ZNF532: variants seen among roughly 807,000 people sequenced by gnomAD.
The protein encoded by ZNF532 is zinc finger protein 532.
Under a neutral mutation model 89.3 loss-of-function variants are expected in ZNF532, and 22 were observed. The observed-to-expected ratio is 0.25, with a 90% CI of 0.18 to 0.35. ZNF532 has a LOEUF of 0.35. Among genes scored for constraint, ZNF532 ranks in the 10% least tolerant of loss-of-function variants. The probability of loss-of-function intolerance (pLI) is 1.00; values close to 1 mark genes in which losing one functional copy is unlikely to be tolerated. For missense variants in ZNF532, 1,132 were observed against 1,643.4 expected (o/e 0.69, Z 5.38); for synonymous variants, 606 against 649.6 (o/e 0.93, Z 1.02).
At chr18:58,979,387 T>C in intron 8 of ZNF532, 2 of 309,350 alleles carry the variant, frequency 6.5e-6, no homozygotes, top group East Asian at 5.2e-5. Flanking sequence ...CCACATACAT[T>C]GTGTGTTTTT....
At position 58,888,741 on chromosome 18, in the gene ZNF532, T is replaced by TA. The variant is rs1226823500; in HGVS notation, c.-18+23162_-18+23163insA. Among the ~76,000 whole-genome samples the TA allele has an allele frequency of 5.9e-4, 18 of 30,442 alleles. 1 individual carries two copies. Among genetic ancestry groups the TA allele is most frequent in the African/African-American group, 2.9e-3 (18 of 6,214 alleles). 20.0% of individuals were successfully genotyped at this position (30,442 alleles called of 152,430 possible). On this transcript the variant is annotated intron_variant, in intron 2 of 9. Coordinates refer to ENST00000591808, the MANE Select transcript of ZNF532 (RefSeq NM_001375912.1). ...TATATATATAAATTATATATATATATTTTATATATATATAAAATTAATATA... is the reference window on the plus strand; with the variant it reads ...TATATATATAAATTATATATATATATATTTATATATATATAAAATTAATATA...
In ZNF532 at chr18:58,959,253, G is replaced by GTTTTTT. The variant is rs201150500; in HGVS notation, c.3150+5455_3150+5460dup. Among the ~76,000 whole-genome samples, 16 of 121,628 alleles carry GTTTTTT rather than the reference G, an allele frequency of 1.3e-4. 3 individuals are homozygous for GTTTTTT. The highest frequency in any genetic ancestry group is 1.2e-3 in the East Asian group (4 of 3,220). The allele number at this position is 121,628 out of a possible 152,430, so 79.8% of individuals were successfully genotyped here. ...GAACCTTAGATCTTTTCAGTTTTTT[G>GTTTTTT]TTTTTTGTTTTTTTTTGTTTTTTTT... On this transcript the variant is annotated intron_variant, in intron 7 of 9. Coordinates refer to ENST00000591808, the MANE Select transcript of ZNF532 (RefSeq NM_001375912.1).
At chr18:58,925,927 T>C (rs1192849676) in intron 3 of ZNF532, among the ~76,000 whole-genome samples, 1 of 152,248 alleles carries the variant, frequency 6.6e-6, no homozygotes, top group Non-Finnish European at 1.5e-5. Flanking sequence ...CTGGATTCTT[T>C]ATTCTGTTCC....
chr18:58,932,186 C>T (rs1325004591), intron 3 of ZNF532, among the ~76,000 whole-genome samples: 1 of 152,166 alleles, frequency 6.6e-6, no homozygotes, highest in Non-Finnish European at 1.5e-5. Context: ...CTCCCTCTTT[C>T]TCCTTGTGCT....
chr18:58,954,039 T>C lies in ZNF532; in HGVS notation c.3150+240T>C, dbSNP rs143801136. 219 of 985,254 alleles carry C rather than the reference T, an allele frequency of 2.2e-4. 1 individual carries two copies. The African/African-American group carries it at 3.6e-3, about 16-fold the overall frequency. 61.0% of individuals were successfully genotyped at this position (985,254 alleles called of 1,614,324 possible). A position where few individuals can be genotyped will look rare whatever the true frequency, so the allele number is the denominator to read the frequency against. On this transcript the variant is annotated intron_variant, in intron 7 of 9. Transcript: ENST00000591808. ...ACTCCTCCAGACTGGTGTGCATGAA[T>C]GTGGTAAGTTACCTATCACATTCAT...
In ZNF532 at chr18:58,886,608, T is replaced by C. The variant is rs1338213424; in HGVS notation, c.-18+21029T>C. On this transcript the variant is annotated intron_variant, in intron 2 of 9. Coordinates refer to ENST00000591808, the MANE Select transcript of ZNF532 (RefSeq NM_001375912.1). ...TTACCACAATCTGAAAAATAAAGGATGTACCATGATTGTTACATAATCGTT... is the reference window on the plus strand; with the variant it reads ...TTACCACAATCTGAAAAATAAAGGACGTACCATGATTGTTACATAATCGTT... Among the ~76,000 whole-genome samples the C allele has an allele frequency of 1.3e-5, 2 of 152,342 alleles. 1 individual carries two copies. Among genetic ancestry groups the C allele is most frequent in the South Asian group, 4.1e-4 (2 of 4,826 alleles).
In ZNF532 at chr18:58,893,851, C is replaced by A. The variant is rs529538763; in HGVS notation, c.-17-24420C>A. ...TACAAGCCAGAGAGAGCAGTGGTTA[C>A]ATGGGGGTAGAATGGTGACTCGTTT... On this transcript the variant is annotated intron_variant, in intron 2 of 9. Transcript: ENST00000591808. Among the ~76,000 whole-genome samples the A allele has an allele frequency of 5.3e-5, 8 of 152,268 alleles. No homozygotes were observed. In the South Asian group the frequency reaches 1.2e-3, roughly 24 times the overall value.
At chr18:58,927,827 AG>A (rs1052506693) in intron 3 of ZNF532, among the ~76,000 whole-genome samples, 8 of 152,132 alleles carry the variant, frequency 5.3e-5, no homozygotes, top group African/African-American at 1.9e-4. Context: ...TTTTGCAATT[AG>A]GCTTCCTGGG....
intron 7 of ZNF532, among the ~76,000 whole-genome samples, chr18:58,970,742 T>A (rs1445806955): frequency 6.6e-6 from 1 of 152,180 alleles, no homozygotes; most frequent in East Asian, 1.9e-4. Flanking sequence ...AGAGAAGAGA[T>A]GTGAGGTTTG....
intron 7 of ZNF532, among the ~76,000 whole-genome samples, chr18:58,968,677 A>G (rs1488184365): frequency 2.0e-5 from 3 of 152,166 alleles, no homozygotes; most frequent in African/African-American, 4.8e-5. Flanking sequence ...GGAGTGTCGT[A>G]TCTCTCATGC....
In ZNF532 at chr18:58,918,885, G is replaced by T. The variant is rs948895553; in HGVS notation, c.598G>T (p.Ala200Ser). ...GTCAGGCAATGTGGAGAAAAACAAA[G>T]CTGTTAAGAGAGAAACAGAAGCCAG... ...STSGNVEKNK[A>S]VKRETEASSI... Residue 200 changes from alanine to serine, a missense_variant, in exon 3 of 10, where the codon GCT (alanine) becomes TCT (serine). Physicochemically the swap from Ala to Ser is moderately conservative, Grantham distance 99. This residue lies in a region of ZNF532 where 302 missense variants were observed against 319.8 expected (regional missense o/e 0.94). Coordinates refer to ENST00000591808, the MANE Select transcript of ZNF532 (RefSeq NM_001375912.1). 19 of 1,614,016 alleles carry T rather than the reference G, an allele frequency of 1.2e-5. No homozygotes were observed. The African/African-American group carries it at 1.7e-4, about 15-fold the overall frequency.
rs755144711 is a variant in ZNF532 at position 58,981,459 on chromosome 18, T to G, written c.3264-11T>G. 6.2e-7 allele frequency: 1 copy of G among 1,609,358 alleles called. No individual in the cohort carries two copies. Among genetic ancestry groups the G allele is most frequent in the Non-Finnish European group, 8.5e-7 (1 of 1,179,060 alleles). On this transcript the variant is annotated splice_polypyrimidine_tract_variant and intron_variant, in intron 8 of 9. Transcript: ENST00000591808. ...AGCAAGTGCGTTATCTCCTTGCCTTTCACCCCACAGGCACTGCCCAGACTC... is the reference window on the plus strand; with the variant it reads ...AGCAAGTGCGTTATCTCCTTGCCTTGCACCCCACAGGCACTGCCCAGACTC...
intron 3 of ZNF532, among the ~76,000 whole-genome samples, chr18:58,925,462 G>A (rs1300501263): frequency 6.6e-6 from 1 of 152,134 alleles, no homozygotes; most frequent in East Asian, 1.9e-4. Flanking sequence ...TAATTAGGTT[G>A]TTTGCTTTTA....
chr18:58,919,945 A>G lies in ZNF532; in HGVS notation c.1658A>G (p.Gln553Arg). Residue 553 changes from glutamine to arginine, a missense_variant, in exon 3 of 10, where the codon CAG becomes CGG. Around this residue, in one of 9 missense-constraint regions of ZNF532, gnomAD observed 97 missense variants for 143.7 expected, o/e 0.68. Coordinates refer to ENST00000591808, the MANE Select transcript of ZNF532 (RefSeq NM_001375912.1). The surrounding 1 kb of genome is among the most constrained non-coding windows in gnomAD (Gnocchi z 6.1). ...ACCAAACCTCAGCAACAAATAAAGC[A>G]GGCAATAATCAATGCAGCAGCCTCG... The part of the protein sequence containing the change: ...VLTKPQQQIK[Q>R]AIINAAASQP... 1.2e-6 allele frequency: 2 copies of G among 1,613,956 alleles called. No homozygotes were observed. The highest frequency in any genetic ancestry group is 1.7e-6 in the Non-Finnish European group (2 of 1,179,860).
intron 2 of ZNF532, among the ~76,000 whole-genome samples, chr18:58,917,952 T>G (rs1416378406): frequency 6.6e-6 from 1 of 152,222 alleles, no homozygotes; most frequent in Non-Finnish European, 1.5e-5. Flanking sequence ...AGGGACACAT[T>G]TTCTAGTTGC....
intron 3 of ZNF532, among the ~76,000 whole-genome samples, chr18:58,927,122 A>G (rs1035353672): frequency 6.6e-6 from 1 of 152,202 alleles, no homozygotes; most frequent in Non-Finnish European, 1.5e-5. Flanking sequence ...CAATGAAACC[A>G]TCTGGGCCTA....
chr18:58,976,265 C>G (rs1442999062), intron 7 of ZNF532, among the ~76,000 whole-genome samples: 1 of 152,192 alleles, frequency 6.6e-6, no homozygotes, highest in African/African-American at 2.4e-5. Flanking sequence ...GGATGTCTCT[C>G]TCACATTGAT....
intron 2 of ZNF532, among the ~76,000 whole-genome samples, chr18:58,865,917 A>C (rs949780003): frequency 2.6e-5 from 4 of 152,174 alleles, no homozygotes; most frequent in Non-Finnish European, 5.9e-5. Context: ...CATTTTCCCG[A>C]TGATTATAAG....
At chr18:58,975,214 C>T (rs1409521322) in intron 7 of ZNF532, among the ~76,000 whole-genome samples, 3 of 152,110 alleles carry the variant, frequency 2.0e-5, no homozygotes, top group East Asian at 3.9e-4. Context: ...GTGTCAGCAA[C>T]GGTTGAGGAT....
Sources: gnomAD v4.1 joint callset for allele counts (sites outside exome capture counted in the v4.1 genomes callset) on GRCh38, gnomAD v4.1.1 for gene constraint, gnomAD v4.1.1 regional missense constraint, Gnocchi (gnomAD v3.1) non-coding constraint, MANE v1.5 for transcripts, NCBI Gene and HGNC (gene_info 2026-07-23, HGNC 2026-07-21) for gene names.